ST8SIA3: variants seen among roughly 807,000 people sequenced by gnomAD.
ST8SIA3 encodes the protein alpha-N-acetylneuraminate alpha-2,8-sialyltransferase ST8SIA3.
In ST8SIA3, 17 loss-of-function variants were observed where a neutral mutation model predicts 34.5. The observed-to-expected ratio is 0.49, with a 90% CI of 0.34 to 0.74. ST8SIA3 has a LOEUF of 0.74. Among genes scored for constraint, ST8SIA3 ranks in the 30% least tolerant of loss-of-function variants. The pLI is 0.01. For synonymous variants in ST8SIA3, 172 were observed against 176.1 expected (o/e 0.98, Z 0.19); for missense variants, 354 against 467.8 (o/e 0.76, Z 2.24).
Position 57,360,455 on chromosome 18 carries a change from G to A in ST8SIA3, c.*178G>A. On this transcript the variant is annotated 3_prime_UTR_variant, in exon 4 of 4. Coordinates refer to ENST00000324000, the MANE Select transcript of ST8SIA3 (RefSeq NM_015879.3). The stretch of plus-strand genomic sequence containing the variant: ...GAGTTTTAGCAGATTTAGCAGGACA[G>A]ATGCATTGAAGCCACATGGTTTAGA... The A allele has an allele frequency of 3.1e-6, 2 of 650,674 alleles. No individual in the cohort carries two copies. Among genetic ancestry groups the A allele is most frequent in the Admixed American group, 5.9e-5 (2 of 33,754 alleles). 40.3% of individuals were successfully genotyped at this position (650,674 alleles called of 1,614,324 possible).
At position 57,354,485 on chromosome 18, in the gene ST8SIA3, C is replaced by G; in HGVS notation, c.263C>G (p.Ser88Cys). 6.2e-7 allele frequency: 1 copy of G among 1,614,160 alleles called. No homozygotes were observed. The highest frequency in any genetic ancestry group is 8.5e-7 in the Non-Finnish European group (1 of 1,180,012). Residue 88 changes from serine to cysteine, a missense_variant, in exon 2 of 4, where the codon TCT becomes TGT. By Grantham distance (112) the Ser-to-Cys change is moderately radical. Around this residue, in one of 3 missense-constraint regions of ST8SIA3, gnomAD observed 184 missense variants for 205.4 expected, o/e 0.90. Transcript: ENST00000324000. ...ACCCAGGAACTCCAAGAGAAACCTT[C>G]TAAGTGGAAATTTAATCGGACAGCG... ...SLTQELQEKPSKWKFNRTAFL... is the reference protein window; with the variant it reads ...SLTQELQEKPCKWKFNRTAFL...
In ST8SIA3 at chr18:57,352,699, CGGG is replaced by C; in HGVS notation, c.-147_-145del. On this transcript the variant is annotated 5_prime_UTR_variant, in exon 1 of 4. Transcript: ENST00000324000. ...CCGGTGGCCTCCCCCCACCCCCGCC[CGGG>C]TCCCCCTCCTCCGCCACACGCGCGC... The C allele has an allele frequency of 1.1e-4, 32 of 291,274 alleles. No homozygotes were observed. The highest frequency in any genetic ancestry group is 2.2e-4 in the South Asian group (8 of 36,170). 18.0% of individuals were successfully genotyped at this position (291,274 alleles called of 1,614,324 possible).
rs951100550 is a variant in ST8SIA3 at position 57,364,130 on chromosome 18, G to C, written c.*3853G>C. The C allele has an allele frequency of 1.3e-5, 2 of 152,198 alleles. No homozygotes were observed. Among genetic ancestry groups the C allele is most frequent in the Non-Finnish European group, 2.9e-5 (2 of 68,038 alleles). 9.4% of individuals were successfully genotyped at this position (152,198 alleles called of 1,614,324 possible). On this transcript the variant is annotated 3_prime_UTR_variant, in exon 4 of 4. Transcript: ENST00000324000. Reference sequence around the variant, plus strand: ...ACCAATTATCACCTACCTTCTCCCTGAGATGAAACAAAACACGCTTGGTAA... The same window carrying C: ...ACCAATTATCACCTACCTTCTCCCTCAGATGAAACAAAACACGCTTGGTAA...
rs561024313 is a variant in ST8SIA3, at chr18:57,366,759, A to C, written c.*6482A>C. On this transcript the variant is annotated 3_prime_UTR_variant, in exon 4 of 4. Transcript: ENST00000324000. ...TTAGAAAAGTTTCCAACGGTGAAGA[A>C]ATACCACTTGGTAGGAATATCTCTG... 8 of 152,372 alleles carry C rather than the reference A, an allele frequency of 5.3e-5. No individual in the cohort carries two copies. The highest frequency in any genetic ancestry group is 1.9e-4 in the African/African-American group (8 of 41,590). The allele number at this position is 152,372 out of a possible 1,614,324, so 9.4% of individuals were successfully genotyped here. A position where few individuals can be genotyped will look rare whatever the true frequency, so the allele number is the denominator to read the frequency against.
Position 57,352,936 on chromosome 18 carries a change from C to T in ST8SIA3, c.90C>T (p.Tyr30=), listed in dbSNP as rs774357058. The change falls in exon 1 of 4, where the codon TAC becomes TAT. Residue 30 remains tyrosine (Y), a synonymous_variant. Transcript: ENST00000324000. ...TGCTGATTTTATCGCTCATCAGCTA[C>T]GTGTCCCTGAAAAAGGAGAACATCT... ...VALLILSLIS[Y]VSLKKENIFT... The T allele has an allele frequency of 5.6e-6, 9 of 1,613,466 alleles. No individual in the cohort carries two copies. The highest frequency in any genetic ancestry group is 2.5e-6 in the Non-Finnish European group (3 of 1,179,940).
intron 3 of ST8SIA3, among the ~76,000 whole-genome samples, chr18:57,358,391 G>A (rs1363269470): frequency 1.3e-5 from 2 of 152,146 alleles, no homozygotes; most frequent in African/African-American, 4.8e-5. Flanking sequence ...GTTGGGGTGG[G>A]TTCTGGAGAC....
chr18:57,365,550 G>C lies in ST8SIA3; in HGVS notation c.*5273G>C, dbSNP rs1317718691. ...CAGGTCACTCATCTTTAGAATTGGTGAGAATGAGAAACAGGGAACTGAAGT... is the reference window on the plus strand; with the variant it reads ...CAGGTCACTCATCTTTAGAATTGGTCAGAATGAGAAACAGGGAACTGAAGT... On this transcript the variant is annotated 3_prime_UTR_variant, in exon 4 of 4. Transcript: ENST00000324000. 6.6e-6 allele frequency: 1 copy of C among 152,138 alleles called. No individual in the cohort carries two copies. The highest frequency in any genetic ancestry group is 2.4e-5 in the African/African-American group (1 of 41,428). 9.4% of individuals were successfully genotyped at this position (152,138 alleles called of 1,614,324 possible).
intron 1 of ST8SIA3, among the ~76,000 whole-genome samples, 166 bp from the exon 2 acceptor site, chr18:57,354,236 G>A (rs1272126840): frequency 6.6e-6 from 1 of 152,150 alleles, no homozygotes; most frequent in African/African-American, 2.4e-5. Flanking sequence ...TTTTTCTCTC[G>A]GGTGTGTGTG....
chr18:57,354,378 G>A, intron 1 of ST8SIA3, 24 bp from the exon 2 acceptor site: 1 of 1,613,708 alleles, frequency 6.2e-7, no homozygotes, highest in Non-Finnish European at 8.5e-7. Context: ...CAGCACGCTT[G>A]TCTGTGCTCA....
At chr18:57,354,337 A>G in intron 1 of ST8SIA3, 65 bp from the exon 2 acceptor site, 4 of 1,605,402 alleles carry the variant, frequency 2.5e-6, no homozygotes, top group Non-Finnish European at 3.4e-6. Flanking sequence ...GCTGCACTTT[A>G]ATGGCTACCT....
Position 57,352,986 on chromosome 18 carries a change from CG to C in ST8SIA3, c.145del (p.Ala49ArgfsTer17). The C allele has an allele frequency of 6.2e-7, 1 of 1,611,776 alleles. No individual in the cohort carries two copies. On this transcript the variant is annotated frameshift_variant, in exon 1 of 4. Coordinates refer to ENST00000324000, the MANE Select transcript of ST8SIA3 (RefSeq NM_015879.3). LOFTEE classifies it high-confidence loss of function. ...TTCACCACTCCCAAGTACGCCAGCC[CG>C]GGGGCGCCCCGAATGTACATGTTCC... ...NIFTTPKYAS[P>X]GAPRMYMFHA...
At position 57,362,053 on chromosome 18, in the gene ST8SIA3, A is replaced by G. The variant is rs2049834400; in HGVS notation, c.*1776A>G. 1 of 152,234 alleles carries G rather than the reference A, an allele frequency of 6.6e-6. No individual in the cohort carries two copies. The highest frequency in any genetic ancestry group is 1.5e-5 in the Non-Finnish European group (1 of 68,032). The allele number at this position is 152,234 out of a possible 1,614,324, so 9.4% of individuals were successfully genotyped here. On this transcript the variant is annotated 3_prime_UTR_variant, in exon 4 of 4. Coordinates refer to ENST00000324000, the MANE Select transcript of ST8SIA3 (RefSeq NM_015879.3). ...ATTAGAGCAACTTGCATAGATCTAG[A>G]TATTAACTAATGAAAGAAACACCAA... is the stretch of plus-strand genomic sequence containing the variant.
At position 57,356,975 on chromosome 18, in the gene ST8SIA3, G is replaced by C; in HGVS notation, c.365G>C (p.Arg122Pro). The C allele has an allele frequency of 6.2e-7, 1 of 1,613,706 alleles. No homozygotes were observed. Among genetic ancestry groups the C allele is most frequent in the Middle Eastern group, 1.6e-4 (1 of 6,062 alleles). Residue 122 changes from arginine (R) to proline (P), a missense_variant, in exon 3 of 4, where the codon CGG becomes CCG. By Grantham distance (103) the Arg-to-Pro change is moderately radical (BLOSUM62 -2). Around this residue, in one of 3 missense-constraint regions of ST8SIA3, gnomAD observed 184 missense variants for 205.4 expected, o/e 0.90. Coordinates refer to ENST00000324000, the MANE Select transcript of ST8SIA3 (RefSeq NM_015879.3). ...KNFSLTKNSVRIGQLMHYDYS... is the reference protein window; with the variant it reads ...KNFSLTKNSVPIGQLMHYDYS... ...TTTTCTTTGACCAAGAATAGTGTTC[G>C]GATTGGACAACTGATGCACTATGAT...
Position 57,354,301 on chromosome 18 carries a change from G to C in ST8SIA3, c.180-101G>C, listed in dbSNP as rs868328956. 5.5e-5 allele frequency: 81 copies of C among 1,484,100 alleles called. No homozygotes were observed. The Middle Eastern group carries it at 3.3e-3, about 60-fold the overall frequency. The allele number at this position is 1,484,100 out of a possible 1,614,324, so 91.9% of individuals were successfully genotyped here. On this transcript the variant is annotated intron_variant, in intron 1 of 3. Coordinates refer to ENST00000324000, the MANE Select transcript of ST8SIA3 (RefSeq NM_015879.3). Reference sequence around the variant, plus strand: ...CTCCGGGACGGAACGGAGCCCGCACGCGTACCAGCCGCCCTCGCCCCAGCC... The same window carrying C: ...CTCCGGGACGGAACGGAGCCCGCACCCGTACCAGCCGCCCTCGCCCCAGCC...
intron 2 of ST8SIA3, 27 bp downstream of exon 2, chr18:57,354,551 G>A (rs1490972777): frequency 6.2e-7 from 1 of 1,612,106 alleles, no homozygotes; most frequent in Non-Finnish European, 8.5e-7. Flanking sequence ...AGATCCAAAA[G>A]GTGCTTTTAA....
At position 57,368,419 on chromosome 18, in the gene ST8SIA3, G is replaced by A. The variant is rs893159464; in HGVS notation, c.*8142G>A. 1 of 152,206 alleles carries A rather than the reference G, an allele frequency of 6.6e-6. No homozygotes were observed. The highest frequency in any genetic ancestry group is 2.4e-5 in the African/African-American group (1 of 41,462). 9.4% of individuals were successfully genotyped at this position (152,206 alleles called of 1,614,324 possible). ...TAAATGAGCAAGAAGTATGTGTCAG[G>A]GAAAATAAATGCTTCTTATATTGTT... On this transcript the variant is annotated 3_prime_UTR_variant, in exon 4 of 4. Coordinates refer to ENST00000324000, the MANE Select transcript of ST8SIA3 (RefSeq NM_015879.3).
At position 57,367,958 on chromosome 18, in the gene ST8SIA3, T is replaced by A. The variant is rs2049870068; in HGVS notation, c.*7681T>A. The A allele has an allele frequency of 6.6e-6, 1 of 152,662 alleles. No individual in the cohort carries two copies. The allele number at this position is 152,662 out of a possible 1,614,324, so 9.5% of individuals were successfully genotyped here. Reference sequence around the variant, plus strand: ...AACATCGCAATACACTATCATTTACTCACATGGGACAACCACCTAAGTCCA... The same window carrying A: ...AACATCGCAATACACTATCATTTACACACATGGGACAACCACCTAAGTCCA... On this transcript the variant is annotated 3_prime_UTR_variant, in exon 4 of 4. Transcript: ENST00000324000.
At chr18:57,359,365 A>T (rs1439176131) in intron 3 of ST8SIA3, among the ~76,000 whole-genome samples, 1 of 152,226 alleles carries the variant, frequency 6.6e-6, no homozygotes, top group African/African-American at 2.4e-5. Flanking sequence ...AGATTGTGGC[A>T]TGCTGAAGAT....
chr18:57,352,987 G>A lies in ST8SIA3; in HGVS notation c.141G>A (p.Pro47=), dbSNP rs139944275. The part of the protein sequence containing the change: ...NIFTTPKYAS[P]GAPRMYMFHA... The stretch of plus-strand genomic sequence containing the variant: ...TCACCACTCCCAAGTACGCCAGCCC[G>A]GGGGCGCCCCGAATGTACATGTTCC... The change falls in exon 1 of 4, where the codon CCG becomes CCA. Residue 47 remains proline (P), a synonymous_variant. Transcript: ENST00000324000. 5.5e-5 allele frequency: 88 copies of A among 1,611,072 alleles called. No homozygotes were observed. Among genetic ancestry groups the A allele is most frequent in the Non-Finnish European group, 7.0e-5 (82 of 1,179,832 alleles).
Sources: allele counts gnomAD v4.1 joint callset (sites outside exome capture counted in the v4.1 genomes callset), GRCh38; gene constraint gnomAD v4.1.1; regional missense constraint gnomAD v4.1.1; transcripts MANE v1.5; gene names NCBI Gene and HGNC (gene_info 2026-07-23, HGNC 2026-07-21).